The following COL4A4 variants were observed in gnomAD, a reference collection of about 807,000 sequenced individuals.
COL4A4 encodes the protein collagen alpha-4(IV) chain.
A neutral mutation model predicts 192.9 loss-of-function variants in COL4A4; 105 were observed. The ratio of observed to expected loss-of-function variants is 0.54; its 90% confidence interval spans 0.46 to 0.64. The LOEUF is 0.64. COL4A4 is among the 30% of genes least tolerant of loss of function. COL4A4 has a pLI of 0.00. For missense variants in COL4A4, 1,967 were observed against 2,169.3 expected, an observed-to-expected ratio of 0.91 and a Z score of 1.85; for synonymous variants, 762 against 769.9, an observed-to-expected ratio of 0.99 and a Z score of 0.17.
At chr2:227,109,414 G>A (rs1408891341) in intron 9 of COL4A4, 128 bp from the exon 10 acceptor site, 1 of 806,768 alleles carries the variant, frequency 1.2e-6, no homozygotes, top group Admixed American at 1.9e-5. Context: ...CATCTGCCCT[G>A]CTAGGACATT....
At chr2:227,041,912 AAGAAAG>A in intron 37 of COL4A4, among the ~76,000 whole-genome samples, 1 of 151,390 alleles carries the variant, frequency 6.6e-6, no homozygotes, top group Non-Finnish European at 1.5e-5. Flanking sequence ...GAAAGAAAGA[AAGAAAG>A]AAAGAAAATG....
intron 42 of COL4A4, among the ~76,000 whole-genome samples, chr2:227,026,824 G>GA (rs904114703): frequency 2.6e-5 from 4 of 151,880 alleles, no homozygotes; most frequent in South Asian, 4.2e-4. Flanking sequence ...GGAATTTACA[G>GA]AAAAAAAATT....
chr2:227,059,684 A>G, intron 27 of COL4A4, 61 bp from the exon 28 acceptor site: 3 of 1,196,498 alleles, frequency 2.5e-6, no homozygotes, highest in Non-Finnish European at 3.7e-6. Context: ...ACCAATACAT[A>G]TAAGACTTAC....
the COL4A4 span, among the ~76,000 whole-genome samples, chr2:226,970,069 G>A: frequency 8.0e-5 from 11 of 136,946 alleles, no homozygotes; most frequent in Admixed American, 8.7e-5. Context: ...CTCTCCCCCC[G>A]CATTCCTTAA....
intron 43 of COL4A4, among the ~76,000 whole-genome samples, chr2:227,023,452 A>AAG (rs1480033039): frequency 6.6e-6 from 1 of 151,728 alleles, no homozygotes; most frequent in Non-Finnish European, 1.5e-5. Flanking sequence ...AAAAAAAAAA[A>AAG]AAAGAAAAAA....
At chr2:226,995,167 T>C in the COL4A4 span, among the ~76,000 whole-genome samples, 1 of 151,624 alleles carries the variant, frequency 6.6e-6, no homozygotes, top group African/African-American at 2.4e-5. Context: ...TGGAGCACGA[T>C]GGAAGGAAAA....
chr2:227,086,584 A>G (rs78938900), intron 22 of COL4A4, among the ~76,000 whole-genome samples: 4,061 of 152,194 alleles, frequency 0.027, 73 homozygotes, highest in Middle Eastern at 0.044. Context: ...AATCATATAC[A>G]CAACAGACCA....
intron 14 of COL4A4, 42 bp downstream of exon 14, chr2:227,103,102 C>A: frequency 6.7e-7 from 1 of 1,501,766 alleles, no homozygotes; most frequent in Admixed American, 1.8e-5. Flanking sequence ...TAAGATAGTA[C>A]ATCACACAAA....
At chr2:226,987,318 C>A in the COL4A4 span, among the ~76,000 whole-genome samples, 2 of 152,014 alleles carry the variant, frequency 1.3e-5, no homozygotes, top group South Asian at 4.2e-4. Flanking sequence ...GTTCTGCACA[C>A]GTATCCCAGA....
At chr2:226,975,110 A>T in the COL4A4 span, among the ~76,000 whole-genome samples, 5 of 152,168 alleles carry the variant, frequency 3.3e-5, no homozygotes, top group Admixed American at 2.6e-4. Flanking sequence ...TCCATTTCTA[A>T]TATAAAATCT....
intron 45 of COL4A4, 54 bp from the exon 46 acceptor site, chr2:227,010,555 A>T: frequency 7.2e-7 from 1 of 1,396,366 alleles, no homozygotes; most frequent in South Asian, 1.5e-5. Flanking sequence ...TGGTTTAACA[A>T]ATATGTTAAG....
intron 22 of COL4A4, among the ~76,000 whole-genome samples, chr2:227,085,023 C>T (rs923097275): frequency 3.3e-5 from 5 of 151,878 alleles, no homozygotes; most frequent in South Asian, 2.1e-4. Flanking sequence ...CTCAGCTACT[C>T]GAGAGGCTGA....
At position 227,041,908 on chromosome 2, in the gene COL4A4, A is replaced by G. The variant is rs530031379; in HGVS notation, c.3505+240T>C. On this transcript the variant is annotated intron_variant, in intron 37 of 47. Coordinates refer to ENST00000396625, the MANE Select transcript of COL4A4 (RefSeq NM_000092.5). ...AAAGAAAGAAAGAAAGAAAGAAAGA[A>G]AGAAAGAAAGAAAGAAAATGGTAGC... Among the ~76,000 whole-genome samples the G allele has an allele frequency of 7.3e-5, 11 of 151,318 alleles. No homozygotes were observed. In the South Asian group the frequency reaches 1.5e-3, roughly 20 times the overall value.
intron 20 of COL4A4, among the ~76,000 whole-genome samples, chr2:227,090,773 A>G (rs942257225): frequency 3.3e-5 from 5 of 151,126 alleles, no homozygotes; most frequent in African/African-American, 4.8e-5. Flanking sequence ...ATAAGTAAAT[A>G]AATAAAATAA....
At chr2:227,012,381 T>TGTGCCAGCCCC in intron 44 of COL4A4, 84 bp from the exon 45 acceptor site, 3 of 1,058,392 alleles carry the variant, frequency 2.8e-6, no homozygotes, top group South Asian at 1.3e-5. Flanking sequence ...ATGCCAGCCG[T>TGTGCCAGCCCC]GTGCCAGCCC....
chr2:227,083,064 A>G (rs1415479804), intron 22 of COL4A4, among the ~76,000 whole-genome samples: 1 of 152,114 alleles, frequency 6.6e-6, no homozygotes, highest in African/African-American at 2.4e-5. Flanking sequence ...CCCCGTCCCT[A>G]CTAAAAATAC....
chr2:227,118,982 T>C (rs1419331526), intron 6 of COL4A4, among the ~76,000 whole-genome samples: 1 of 152,054 alleles, frequency 6.6e-6, no homozygotes, highest in Admixed American at 6.6e-5. Flanking sequence ...TGCAGTACTC[T>C]GGGAAATTGA....
At chr2:227,070,664 A>G (rs2058661156) in intron 25 of COL4A4, among the ~76,000 whole-genome samples, 1 of 145,238 alleles carries the variant, frequency 6.9e-6, no homozygotes, top group Non-Finnish European at 1.5e-5. Context: ...GTGGGAATTG[A>G]ACAATGAGAA....
At chr2:227,099,553 C>A (rs763656009) in intron 18 of COL4A4, 67 bp downstream of exon 18, 32 of 1,425,988 alleles carry the variant, frequency 2.2e-5, no homozygotes, top group Non-Finnish European at 3.2e-5. Flanking sequence ...GGGCCAGACT[C>A]TTCTGTCCTG....
Sources: gnomAD v4.1 joint callset for allele counts (sites outside exome capture counted in the v4.1 genomes callset) on GRCh38, gnomAD v4.1.1 for gene constraint, MANE v1.5 for transcripts, NCBI Gene and HGNC (gene_info 2026-07-23, HGNC 2026-07-21) for gene names.